ATP10D: variants seen among roughly 807,000 people sequenced by gnomAD.
The protein encoded by ATP10D is phospholipid-transporting ATPase VD.
A neutral mutation model predicts 144.8 loss-of-function variants in ATP10D; 89 were observed. The observed-to-expected ratio is 0.61, with a 90% CI of 0.52 to 0.73. The LOEUF (loss-of-function observed/expected upper bound fraction) is 0.73, where lower values mean the gene tolerates loss of function less well. Ranked by LOEUF, ATP10D falls within the 30% of genes least tolerant of loss-of-function variation. ATP10D has a pLI of 0.00. For missense variants in ATP10D, 1,603 were observed against 1,714.8 expected, an observed-to-expected ratio of 0.93 and a Z score of 1.15; for synonymous variants, 571 against 615.1, an observed-to-expected ratio of 0.93 and a Z score of 1.06.
chr4:47,587,306 T>A (rs1720839004), intron 22 of ATP10D, 100 bp downstream of exon 22: 5 of 1,068,286 alleles, frequency 4.7e-6, no homozygotes, highest in Non-Finnish European at 6.8e-6. Flanking sequence ...CCCACCCTGT[T>A]TAGTAGTGAG....
At chr4:47,491,902 T>A (rs1715101246) in intron 1 of ATP10D, among the ~76,000 whole-genome samples, 1 of 152,178 alleles carries the variant, frequency 6.6e-6, no homozygotes, top group Non-Finnish European at 1.5e-5. Context: ...ATTATCCTAA[T>A]TTTATCTTTT....
chr4:47,541,988 A>C (rs1718156780), intron 9 of ATP10D, among the ~76,000 whole-genome samples: 2 of 152,112 alleles, frequency 1.3e-5, no homozygotes. Context: ...ACTATTTTGG[A>C]GTCTACCTTA....
intron 19 of ATP10D, among the ~76,000 whole-genome samples, 191 bp from the exon 20 acceptor site, chr4:47,580,207 G>A (rs905191531): frequency 3.3e-5 from 5 of 152,148 alleles, no homozygotes; most frequent in Non-Finnish European, 5.9e-5. Context: ...TTCCTTCAAG[G>A]ATTTTTTTCA....
At chr4:47,588,482 T>C (rs1003404284) in intron 22 of ATP10D, among the ~76,000 whole-genome samples, 1 of 152,206 alleles carries the variant, frequency 6.6e-6, no homozygotes, top group African/African-American at 2.4e-5. Flanking sequence ...ATATGATCTA[T>C]GGCTGCTTAT....
intron 15 of ATP10D, among the ~76,000 whole-genome samples, chr4:47,568,417 T>A (rs1348659577): frequency 2.6e-5 from 4 of 152,246 alleles, no homozygotes; most frequent in African/African-American, 9.6e-5. Context: ...GCCTGTATTA[T>A]TTTGCTTAAT....
intron 3 of ATP10D, among the ~76,000 whole-genome samples, chr4:47,520,564 T>A (rs1412644185): frequency 6.6e-6 from 1 of 152,030 alleles, no homozygotes; most frequent in African/African-American, 2.4e-5. Flanking sequence ...AACTTCTTTT[T>A]TGTTTTGTTT....
At chr4:47,558,837 T>C in intron 12 of ATP10D, 86 bp from the exon 13 acceptor site, 3 of 1,069,590 alleles carry the variant, frequency 2.8e-6, no homozygotes, top group Middle Eastern at 3.2e-4. Context: ...GTTTTTTTAG[T>C]GTGGATAAAA....
At chr4:47,561,132 C>G (rs1719275037) in intron 14 of ATP10D, 57 bp downstream of exon 14, 7 of 1,595,336 alleles carry the variant, frequency 4.4e-6, no homozygotes, top group Non-Finnish European at 6.0e-6. Context: ...CACTGGATAT[C>G]TTTGAATAAG....
chr4:47,499,457 G>GAATTGGAAGTAAA (rs1715567561), intron 1 of ATP10D, among the ~76,000 whole-genome samples: 2 of 152,154 alleles, frequency 1.3e-5, no homozygotes, highest in South Asian at 4.1e-4. Flanking sequence ...TTATTGTAAG[G>GAATTGGAAGTAAA]TAGTTGGAAG....
At chr4:47,580,745 C>T (rs1486407411) in intron 20 of ATP10D, among the ~76,000 whole-genome samples, 1 of 152,068 alleles carries the variant, frequency 6.6e-6, no homozygotes, top group Non-Finnish European at 1.5e-5. Context: ...AATTGGATGT[C>T]TGGCTATATA....
chr4:47,590,912 TC>T (rs1326734819), intron 22 of ATP10D, 129 bp from the exon 23 acceptor site: 4 of 570,318 alleles, frequency 7.0e-6, no homozygotes, highest in Admixed American at 3.4e-5. Flanking sequence ...TCGGTTACCC[TC>T]CCCCTTTATT....
intron 3 of ATP10D, among the ~76,000 whole-genome samples, chr4:47,520,961 C>T (rs1447323464): frequency 6.6e-6 from 1 of 152,178 alleles, no homozygotes; most frequent in East Asian, 1.9e-4. Flanking sequence ...TTCTCCAAGG[C>T]CACCAGACCT....
At chr4:47,529,804 T>C (rs1434028697) in intron 5 of ATP10D, among the ~76,000 whole-genome samples, 3 of 152,176 alleles carry the variant, frequency 2.0e-5, no homozygotes, top group Non-Finnish European at 4.4e-5. Flanking sequence ...ATTTGTGTCA[T>C]CTACAGCTTC....
At chr4:47,573,195 G>A (rs1232056075) in intron 18 of ATP10D, among the ~76,000 whole-genome samples, 198 bp downstream of exon 18, 1 of 152,164 alleles carries the variant, frequency 6.6e-6, no homozygotes, top group East Asian at 1.9e-4. Context: ...AAATTGCCAG[G>A]CTTGTCCATC....
chr4:47,513,097 G>A (rs1313610489), intron 2 of ATP10D, among the ~76,000 whole-genome samples: 3 of 152,174 alleles, frequency 2.0e-5, no homozygotes, highest in Non-Finnish European at 4.4e-5. Context: ...TTTAGCCAAT[G>A]TCATGCCAAT....
chr4:47,542,271 AT>A (rs1718175833), intron 9 of ATP10D, among the ~76,000 whole-genome samples: 1 of 151,750 alleles, frequency 6.6e-6, no homozygotes, highest in Non-Finnish European at 1.5e-5. Context: ...TAATTTTTGT[AT>A]TTTTTGTAGA....
At chr4:47,582,983 A>C (rs529813963) in intron 21 of ATP10D, 1 of 152,356 alleles carries the variant, frequency 6.6e-6, no homozygotes, top group South Asian at 2.1e-4. Flanking sequence ...TCTCTAAAAA[A>C]AATAACAAAA....
In ATP10D at chr4:47,546,830, C is replaced by A; in HGVS notation, c.1603C>A (p.His535Asn). 1 of 1,613,122 alleles carries A rather than the reference C, an allele frequency of 6.2e-7. No homozygotes were observed. Among genetic ancestry groups the A allele is most frequent in the African/African-American group, 1.3e-5 (1 of 75,028 alleles). ...GSGEGASEVP[H>N]SRQAAFSSPI... is the part of the protein sequence containing the mutation. The stretch of plus-strand genomic sequence containing the variant: ...TGGAGAAGGAGCCAGTGAAGTGCCT[C>A]ATTCCAGACAGGCTGCTTTCAGTAG... The change falls in exon 10 of 23, where the codon CAT becomes AAT. Residue 535 changes from histidine to asparagine, a missense_variant. His to Asn is a moderately conservative substitution (Grantham distance 68). Transcript: ENST00000273859.
chr4:47,501,504 TCTC>T (rs1715679023), intron 1 of ATP10D, among the ~76,000 whole-genome samples: 1 of 152,182 alleles, frequency 6.6e-6, no homozygotes. Flanking sequence ...ATACCACTCT[TCTC>T]CTATTCTCTC....
Sources: allele counts gnomAD v4.1 joint callset (sites outside exome capture counted in the v4.1 genomes callset), GRCh38; gene constraint gnomAD v4.1.1; transcripts MANE v1.5; gene names NCBI Gene and HGNC (gene_info 2026-07-23, HGNC 2026-07-21).